RANBP2: variants seen among roughly 807,000 people sequenced by gnomAD.
RANBP2 encodes RAN binding protein 2.
Under a neutral mutation model 303.6 loss-of-function variants are expected in RANBP2, and 57 were observed. The observed-to-expected ratio is 0.19, with a 90% confidence interval of 0.15 to 0.23. The LOEUF (loss-of-function observed/expected upper bound fraction) is 0.23. Ranked by LOEUF, RANBP2 falls within the 10% of genes least tolerant of loss-of-function variation. The pLI, the probability that RANBP2 is intolerant of heterozygous loss-of-function variation, is 1.00. For missense variants in RANBP2, 3,138 were observed against 3,780.8 expected, an observed-to-expected ratio of 0.83 and a Z score of 4.46; for synonymous variants, 1,167 against 1,301.5, an observed-to-expected ratio of 0.90 and a Z score of 2.23.
the RANBP2 span, among the ~76,000 whole-genome samples, chr2:109,354,265 C>A: frequency 5.9e-5 from 9 of 152,304 alleles, no homozygotes; most frequent in South Asian, 1.9e-3. Context: ...TGGGTCACTG[C>A]GGTGGAGCAG....
At chr2:109,698,795 C>T in the RANBP2 span, among the ~76,000 whole-genome samples, 1 of 151,844 alleles carries the variant, frequency 6.6e-6, no homozygotes, top group Non-Finnish European at 1.5e-5. Flanking sequence ...GGCGTGGTGG[C>T]ACGCACTTGT....
the RANBP2 span, among the ~76,000 whole-genome samples, chr2:109,664,025 C>T: frequency 6.6e-6 from 1 of 152,172 alleles, no homozygotes; most frequent in African/African-American, 2.4e-5. Context: ...CCTTCATTCT[C>T]TTCTTCTGGG....
the RANBP2 span, among the ~76,000 whole-genome samples, chr2:109,551,748 T>C: frequency 1.3e-5 from 2 of 152,170 alleles, no homozygotes; most frequent in Non-Finnish European, 2.9e-5. Flanking sequence ...GCAAGTACTG[T>C]AAGTGTATTT....
chr2:109,415,641 C>T, the RANBP2 span, among the ~76,000 whole-genome samples: 4 of 152,142 alleles, frequency 2.6e-5, no homozygotes, highest in Non-Finnish European at 5.9e-5. Flanking sequence ...TCCAGGGACG[C>T]CGTGCCCTCA....
chr2:108,744,879 A>G (rs1199942581), intron 7 of RANBP2, among the ~76,000 whole-genome samples: 1 of 152,258 alleles, frequency 6.6e-6, no homozygotes, highest in Non-Finnish European at 1.5e-5. Context: ...GAAATGTTTT[A>G]TGCATCTCCA....
chr2:109,181,239 C>T, the RANBP2 span, among the ~76,000 whole-genome samples: 4 of 152,178 alleles, frequency 2.6e-5, no homozygotes, highest in Non-Finnish European at 5.9e-5. Context: ...GAAAACAGAA[C>T]AGAGGATTCC....
chr2:108,763,879 A>C lies in RANBP2; in HGVS notation c.3340A>C (p.Asn1114His). ...KNVSGISFTE[N>H]MGSSQQKNSG... ...TGTGTCTGGAATTTCATTTACAGAAAACATGGGGTCGAGTCAGCAAAAGAA... is the reference window on the plus strand; with the variant it reads ...TGTGTCTGGAATTTCATTTACAGAACACATGGGGTCGAGTCAGCAAAAGAA... Residue 1114 changes from asparagine to histidine, a missense_variant, in exon 20 of 29, where the codon AAC (asparagine) becomes CAC (histidine). Around this residue, in one of 20 missense-constraint regions of RANBP2, gnomAD observed 403 missense variants for 376.7 expected, o/e 1.07. Coordinates refer to ENST00000283195, the MANE Select transcript of RANBP2 (RefSeq NM_006267.5). 6.2e-7 allele frequency: 1 copy of C among 1,613,986 alleles called. No individual in the cohort carries two copies. Among genetic ancestry groups the C allele is most frequent in the East Asian group, 2.2e-5 (1 of 44,886 alleles).
chr2:109,185,602 G>T, the RANBP2 span, among the ~76,000 whole-genome samples: 2 of 152,096 alleles, frequency 1.3e-5, no homozygotes, highest in Non-Finnish European at 2.9e-5. Flanking sequence ...TGCCTTTGGG[G>T]TTGGCAGAGA....
At chr2:109,315,381 G>C in the RANBP2 span, among the ~76,000 whole-genome samples, 2 of 152,228 alleles carry the variant, frequency 1.3e-5, no homozygotes, top group Admixed American at 6.5e-5. Flanking sequence ...AACTCCATTA[G>C]TGATTCAAAA....
In RANBP2 at chr2:108,771,815, C is replaced by A; in HGVS notation, c.7964C>A (p.Pro2655Gln). The change falls in exon 21 of 29, where the codon CCA becomes CAA. Residue 2655 changes from proline to glutamine, a missense_variant. Transcript: ENST00000283195. Reference protein sequence around the residue: ...KALATKLKLPPTFFCYKNRPD... With the variant: ...KALATKLKLPQTFFCYKNRPD... ...CTTGCAACCAAACTTAAACTTCCTC[C>A]AACTTTCTTCTGCTACAAGAATAGA... The A allele has an allele frequency of 6.2e-7, 1 of 1,614,028 alleles. No homozygotes were observed.
At chr2:109,425,122 C>G in the RANBP2 span, among the ~76,000 whole-genome samples, 1 of 152,230 alleles carries the variant, frequency 6.6e-6, no homozygotes, top group African/African-American at 2.4e-5. Flanking sequence ...CCAACTGCAA[C>G]ATTCCCTTAA....
chr2:109,213,740 G>A, the RANBP2 span, among the ~76,000 whole-genome samples: 3 of 152,344 alleles, frequency 2.0e-5, no homozygotes, highest in South Asian at 2.1e-4. Context: ...AGTGGGGAAC[G>A]TGGGGATGGT....
chr2:109,430,334 T>C, the RANBP2 span, among the ~76,000 whole-genome samples: 123 of 152,354 alleles, frequency 8.1e-4, no homozygotes, highest in African/African-American at 2.9e-3. Context: ...GCACATCAAT[T>C]TGTGCGTCAT....
the RANBP2 span, among the ~76,000 whole-genome samples, chr2:109,008,891 TCC>T: frequency 1.4e-5 from 2 of 146,376 alleles, no homozygotes; most frequent in African/African-American, 5.1e-5. Flanking sequence ...AGAGCAAGAT[TCC>T]ATCTCAAAAA....
chr2:109,705,341 G>C, the RANBP2 span, among the ~76,000 whole-genome samples: 1 of 152,148 alleles, frequency 6.6e-6, no homozygotes, highest in African/African-American at 2.4e-5. Flanking sequence ...GGGAAGTGGA[G>C]ATTTCAGTGA....
At chr2:108,737,014 A>G (rs1459169305) in intron 6 of RANBP2, among the ~76,000 whole-genome samples, 1 of 139,614 alleles carries the variant, frequency 7.2e-6, no homozygotes, top group Non-Finnish European at 1.6e-5. Context: ...TTTTGTAGAA[A>G]AAGTTTACTG....
chr2:108,839,772 TCAGGATTTTTA>T, the RANBP2 span, among the ~76,000 whole-genome samples: 1 of 152,100 alleles, frequency 6.6e-6, no homozygotes. Flanking sequence ...TGAAGATTCC[TCAGGATTTTTA>T]CATAGAAAAT....
chr2:108,825,691 C>A, the RANBP2 span, among the ~76,000 whole-genome samples: 2 of 151,988 alleles, frequency 1.3e-5, no homozygotes, highest in African/African-American at 2.4e-5. Flanking sequence ...TTTTATTTAC[C>A]CATATCACTT....
At chr2:108,929,441 G>C in the RANBP2 span, 1 of 1,556,124 alleles carries the variant, frequency 6.4e-7, no homozygotes, top group Non-Finnish European at 8.9e-7. Flanking sequence ...TACGGACTCG[G>C]CCCACAGTCC....
Sources: gnomAD v4.1 joint callset for allele counts (sites outside exome capture counted in the v4.1 genomes callset) on GRCh38, gnomAD v4.1.1 for gene constraint, gnomAD v4.1.1 regional missense constraint, MANE v1.5 for transcripts, NCBI Gene and HGNC (gene_info 2026-07-23, HGNC 2026-07-21) for gene names.